Variants in ABCC9 observed in about 807,000 individuals in gnomAD.
ABCC9 encodes ATP-binding cassette sub-family C member 9.
A neutral mutation model predicts 188.3 loss-of-function variants in ABCC9; 95 were observed. The observed-to-expected ratio is 0.50, with a 90% CI of 0.43 to 0.60. ABCC9 has a LOEUF of 0.60. ABCC9 is among the 20% of genes least tolerant of loss of function. The pLI is 0.00. For missense variants in ABCC9, 1,102 were observed against 1,876.3 expected (o/e 0.59, Z 7.62); for synonymous variants, 659 against 652.7 (o/e 1.01, Z -0.15).
At chr12:21,898,273 A>G (rs1193328748) in intron 12 of ABCC9, among the ~76,000 whole-genome samples, 1 of 152,240 alleles carries the variant, frequency 6.6e-6, no homozygotes, top group Non-Finnish European at 1.5e-5. Flanking sequence ...TACTCTCAAT[A>G]TATCTTTGTT....
chr12:21,816,930 A>G (rs777595281), intron 33 of ABCC9, among the ~76,000 whole-genome samples: 1 of 152,162 alleles, frequency 6.6e-6, no homozygotes, highest in Non-Finnish European at 1.5e-5. Flanking sequence ...TCAGCAATTA[A>G]TGTAATAAAT....
At chr12:21,834,498 A>C (rs140995396) in intron 30 of ABCC9, among the ~76,000 whole-genome samples, 1 of 152,066 alleles carries the variant, frequency 6.6e-6, no homozygotes, top group Non-Finnish European at 1.5e-5. Context: ...TGCTACAGGT[A>C]AAGGTTTACT....
At chr12:21,816,305 G>A (rs761033204) in intron 33 of ABCC9, among the ~76,000 whole-genome samples, 3 of 151,930 alleles carry the variant, frequency 2.0e-5, no homozygotes, top group Non-Finnish European at 4.4e-5. Flanking sequence ...GCTGTACAAG[G>A]TGCTGGGAAT....
At chr12:21,928,276 G>C (rs1317272021) in intron 4 of ABCC9, among the ~76,000 whole-genome samples, 1 of 96,162 alleles carries the variant, frequency 1.0e-5, no homozygotes, top group Non-Finnish European at 1.9e-5. Flanking sequence ...GGATGGAAGG[G>C]GGAAAGGAAG....
At chr12:21,893,127 G>A (rs149861614) in intron 14 of ABCC9, among the ~76,000 whole-genome samples, 29 of 152,134 alleles carry the variant, frequency 1.9e-4, no homozygotes, top group African/African-American at 6.7e-4. Context: ...ATAGACTGTC[G>A]TATAGGCAGT....
intron 37 of ABCC9, among the ~76,000 whole-genome samples, chr12:21,808,652 C>A (rs1228486167): frequency 6.6e-6 from 1 of 151,826 alleles, no homozygotes; most frequent in East Asian, 1.9e-4. Context: ...CCTATAGTCC[C>A]AGCTACTCAG....
intron 33 of ABCC9, among the ~76,000 whole-genome samples, chr12:21,816,868 A>T (rs574495632): frequency 1.3e-5 from 2 of 152,354 alleles, no homozygotes; most frequent in African/African-American, 4.8e-5. Flanking sequence ...ATTTCTTGAC[A>T]TCTAAGTTAA....
intron 38 of ABCC9, among the ~76,000 whole-genome samples, chr12:21,806,969 G>A (rs577934161): frequency 7.2e-4 from 110 of 152,236 alleles, no homozygotes; most frequent in African/African-American, 2.6e-3. Context: ...AATAATGAGT[G>A]GTGTTGGTTA....
chr12:21,818,075 A>G, intron 32 of ABCC9, 75 bp downstream of exon 32: 4 of 1,166,172 alleles, frequency 3.4e-6, no homozygotes, highest in Non-Finnish European at 5.1e-6. Context: ...TGTTCTCAAC[A>G]TTCAATTCCC....
chr12:21,868,106 C>A (rs1274539498), intron 18 of ABCC9, among the ~76,000 whole-genome samples: 1 of 151,944 alleles, frequency 6.6e-6, no homozygotes, highest in Non-Finnish European at 1.5e-5. Flanking sequence ...TTTTTTCATT[C>A]CTCTCTCCTC....
chr12:21,934,098 C>T (rs1949390224), intron 3 of ABCC9, among the ~76,000 whole-genome samples, 175 bp from the exon 4 acceptor site: 1 of 151,988 alleles, frequency 6.6e-6, no homozygotes, highest in Non-Finnish European at 1.5e-5. Context: ...AAAAGAATTA[C>T]AATTAACTTT....
chr12:21,922,672 G>A (rs1948871884), intron 5 of ABCC9, among the ~76,000 whole-genome samples: 1 of 150,488 alleles, frequency 6.6e-6, no homozygotes, highest in South Asian at 2.1e-4. Flanking sequence ...CCAATAGTGT[G>A]AAGATGCCAA....
At chr12:21,914,283 T>C (rs4148651) in intron 7 of ABCC9, among the ~76,000 whole-genome samples, 52,126 of 152,078 alleles carry the variant, frequency 0.34, 10,763 homozygotes, top group East Asian at 0.54. Flanking sequence ...ATGATGGCAA[T>C]AGAAAACACA....
chr12:21,864,464 C>CA lies in ABCC9; in HGVS notation c.2211dup (p.Glu738Ter). On this transcript the variant is annotated frameshift_variant, in exon 19 of 40. Coordinates refer to ENST00000261200, the MANE Select transcript of ABCC9 (RefSeq NM_020297.4). LOFTEE classifies it high-confidence loss of function. ...CTTCTGGTTGCTTCAAAAGAAGGCT[C>CA]AGATTCATTTACACTGCAAGTATGG... is the stretch of plus-strand genomic sequence containing the variant. The CA allele has an allele frequency of 1.9e-6, 3 of 1,593,762 alleles. No homozygotes were observed. The highest frequency in any genetic ancestry group is 2.6e-6 in the Non-Finnish European group (3 of 1,161,770).
intron 35 of ABCC9, among the ~76,000 whole-genome samples, chr12:21,813,741 C>T (rs368135512): frequency 1.3e-5 from 2 of 152,104 alleles, no homozygotes; most frequent in African/African-American, 4.8e-5. Flanking sequence ...TTACCTTGTT[C>T]CTGAATCTGA....
In ABCC9 at chr12:21,937,362, C is replaced by T. The variant is rs190927032; in HGVS notation, c.-20-668G>A. Among the ~76,000 whole-genome samples the T allele has an allele frequency of 4.6e-5, 7 of 152,176 alleles. No homozygotes were observed. The East Asian group carries it at 5.8e-4, about 13-fold the overall frequency. On this transcript the variant is annotated intron_variant, in intron 2 of 39. Transcript: ENST00000261200. ...AAATACACTCTACGCAAGTTTGAAA[C>T]GCAGGATGTCTTTTAACTGGAAATT...
rs1417342116 is a variant in ABCC9 at position 21,797,501 on chromosome 12, A to G, written c.*3543T>C. ...AGAACAAATACATTTTATATATTGT[A>G]GAGAATAAATAGAATAAACACAACA... On this transcript the variant is annotated 3_prime_UTR_variant, in exon 40 of 40. Transcript: ENST00000261200. The G allele has an allele frequency of 1.3e-5, 2 of 152,240 alleles. No homozygotes were observed. The highest frequency in any genetic ancestry group is 2.9e-5 in the Non-Finnish European group (2 of 68,042). 9.4% of individuals were successfully genotyped at this position (152,240 alleles called of 1,614,324 possible).
intron 31 of ABCC9, 152 bp from the exon 32 acceptor site, chr12:21,818,403 A>C: frequency 1.5e-6 from 1 of 686,678 alleles, no homozygotes; most frequent in South Asian, 1.6e-5. Flanking sequence ...ATGTAGAAGA[A>C]TAATAGCTTG....
At chr12:21,872,590 A>G (rs1479080286) in intron 18 of ABCC9, 35 bp downstream of exon 18, 1 of 1,438,256 alleles carries the variant, frequency 7.0e-7, no homozygotes, top group Admixed American at 1.7e-5. Flanking sequence ...CAGATGTATG[A>G]CATAGCAATG....
Sources: gnomAD v4.1 joint callset for allele counts (sites outside exome capture counted in the v4.1 genomes callset) on GRCh38, gnomAD v4.1.1 for gene constraint, MANE v1.5 for transcripts, NCBI Gene and HGNC (gene_info 2026-07-23, HGNC 2026-07-21) for gene names.